Variants in NRTN observed in about 807,000 individuals in gnomAD.
NRTN encodes prepro-neurturin.
In NRTN, 3 loss-of-function variants were observed where a neutral mutation model predicts 7.5. The ratio of observed to expected loss-of-function variants is 0.40; its 90% CI spans 0.18 to 1.03. The LOEUF (loss-of-function observed/expected upper bound fraction) is 1.03. NRTN is among the 50% of genes least tolerant of loss of function. The pLI, the probability that NRTN is intolerant of heterozygous loss-of-function variation, is 0.34. For synonymous variants in NRTN, 157 were observed against 146.6 expected, an observed-to-expected ratio of 1.07 and a Z score of -0.51; for missense variants, 310 against 307.0, an observed-to-expected ratio of 1.01 and a Z score of -0.07.
intron 1 of NRTN, among the ~76,000 whole-genome samples, chr19:5,813,385 A>T (rs1348426087): frequency 1.3e-5 from 2 of 148,690 alleles, no homozygotes; most frequent in Non-Finnish European, 3.0e-5. Flanking sequence ...AAAATATAAA[A>T]GTTTGGCCAG....
At chr19:5,817,259 C>T (rs534338600) in intron 1 of NRTN, among the ~76,000 whole-genome samples, 7 of 151,906 alleles carry the variant, frequency 4.6e-5, no homozygotes, top group Non-Finnish European at 1.0e-4. Context: ...GAGGCTGAGG[C>T]AGGAGGATCA....
At position 5,828,252 on chromosome 19, in the gene NRTN, C is replaced by T. The variant is rs999141233; in HGVS notation, c.*79C>T. The T allele has an allele frequency of 6.9e-6, 10 of 1,458,258 alleles. No homozygotes were observed. In the Admixed American group the frequency reaches 2.2e-4, roughly 32 times the overall value. 90.3% of individuals were successfully genotyped at this position (1,458,258 alleles called of 1,614,324 possible). A position where few individuals can be genotyped will look rare whatever the true frequency, so the allele number is the denominator to read the frequency against. The stretch of plus-strand genomic sequence containing the variant: ...CTGGCCGGCCCCGCGAAAGACTGCG[C>T]GTGCGTAGAGCACGCCGGCGCGGCC... On this transcript the variant is annotated 3_prime_UTR_variant, in exon 3 of 3. Coordinates refer to ENST00000303212, the MANE Select transcript of NRTN (RefSeq NM_004558.5).
At chr19:5,821,630 T>TTCATTCATTCAC (rs1555734917) in intron 1 of NRTN, among the ~76,000 whole-genome samples, 9 of 150,372 alleles carry the variant, frequency 6.0e-5, no homozygotes, top group Non-Finnish European at 8.9e-5. Flanking sequence ...TGTTCATTCA[T>TTCATTCATTCAC]TCATTCATTC....
chr19:5,811,260 T>A (rs1218805930), intron 1 of NRTN, among the ~76,000 whole-genome samples: 1 of 152,060 alleles, frequency 6.6e-6, no homozygotes, highest in African/African-American at 2.4e-5. Flanking sequence ...TTTGCAGCCA[T>A]TGATTGGATA....
Position 5,828,275 on chromosome 19 carries a change from G to GC in NRTN, c.*106dup. ...CGCGTGCGTAGAGCACGCCGGCGCG[G>GC]CCCCGGGACTCTCGCGATAACTGTA... On this transcript the variant is annotated 3_prime_UTR_variant, in exon 3 of 3. Transcript: ENST00000303212. The GC allele has an allele frequency of 7.7e-7, 1 of 1,298,902 alleles. No individual in the cohort carries two copies. The highest frequency in any genetic ancestry group is 1.0e-6 in the Non-Finnish European group (1 of 964,376). 80.5% of individuals were successfully genotyped at this position (1,298,902 alleles called of 1,614,324 possible). A position where few individuals can be genotyped will look rare whatever the true frequency, so the allele number is the denominator to read the frequency against.
At chr19:5,827,177 G>A (rs2057049574) in intron 2 of NRTN, among the ~76,000 whole-genome samples, 1 of 152,156 alleles carries the variant, frequency 6.6e-6, no homozygotes, top group Non-Finnish European at 1.5e-5. Flanking sequence ...GAAAAGCCCG[G>A]GGCCTCAGAG....
At chr19:5,815,007 A>G (rs1368923292) in intron 1 of NRTN, among the ~76,000 whole-genome samples, 1 of 152,196 alleles carries the variant, frequency 6.6e-6, no homozygotes, top group Non-Finnish European at 1.5e-5. Flanking sequence ...AGGGGTGGAC[A>G]CGGGCAGTGG....
At chr19:5,813,702 T>C (rs144661141) in intron 1 of NRTN, among the ~76,000 whole-genome samples, 4 of 143,754 alleles carry the variant, frequency 2.8e-5, no homozygotes, top group African/African-American at 1.0e-4. Context: ...AAGCCAGGCA[T>C]GGTGGCGCAC....
chr19:5,827,291 C>T, intron 2 of NRTN, among the ~76,000 whole-genome samples: 1 of 152,074 alleles, frequency 6.6e-6, no homozygotes, highest in South Asian at 2.1e-4. Flanking sequence ...AGAGAGGATG[C>T]ACCAGTGTCC....
intron 1 of NRTN, among the ~76,000 whole-genome samples, chr19:5,815,025 G>A (rs1056647974): frequency 5.9e-5 from 9 of 152,226 alleles, no homozygotes; most frequent in Admixed American, 3.3e-4. Context: ...TGGTCAGGGC[G>A]GGGCCGTTCC....
intron 1 of NRTN, among the ~76,000 whole-genome samples, chr19:5,816,844 C>T (rs2057006527): frequency 6.6e-6 from 1 of 152,322 alleles, no homozygotes; most frequent in East Asian, 1.9e-4. Flanking sequence ...AAGGTGGAAG[C>T]GTCCAAGTGT....
chr19:5,821,322 T>A (rs2057023910), intron 1 of NRTN, among the ~76,000 whole-genome samples: 1 of 94,812 alleles, frequency 1.1e-5, no homozygotes, highest in African/African-American at 5.3e-5. Flanking sequence ...TTTTTTTTTT[T>A]GCGACAGAGT....
intron 1 of NRTN, among the ~76,000 whole-genome samples, chr19:5,817,590 GAGGA>G (rs1352060172): frequency 5.4e-5 from 8 of 147,890 alleles, no homozygotes; most frequent in South Asian, 2.2e-4. Flanking sequence ...GAGGGAAAGA[GAGGA>G]AGGAAGGGAG....
Position 5,819,534 on chromosome 19 carries a change from A to G in NRTN, c.-398-4234A>G, listed in dbSNP as rs148098766. Among the ~76,000 whole-genome samples, 515 of 152,284 alleles carry G rather than the reference A, an allele frequency of 3.4e-3. 2 individuals carry two copies. Among genetic ancestry groups the G allele is most frequent in the Non-Finnish European group, 4.8e-3 (325 of 68,010 alleles). On this transcript the variant is annotated intron_variant, in intron 1 of 2. Transcript: ENST00000303212. Reference sequence around the variant, plus strand: ...AAAAATTAGCCAGGCGTGGTGGCACATGCCTGTAGTCCCAGCTACTTGGGA... The same window carrying G: ...AAAAATTAGCCAGGCGTGGTGGCACGTGCCTGTAGTCCCAGCTACTTGGGA...
intron 1 of NRTN, among the ~76,000 whole-genome samples, chr19:5,820,779 G>T (rs1347564787): frequency 6.3e-5 from 9 of 143,524 alleles, no homozygotes; most frequent in Non-Finnish European, 6.0e-5. Flanking sequence ...GAATAAAGGG[G>T]ATGGGTTTGA....
chr19:5,805,756 C>G (rs1330765611), intron 1 of NRTN, among the ~76,000 whole-genome samples: 1 of 152,088 alleles, frequency 6.6e-6, no homozygotes, highest in African/African-American at 2.4e-5. Flanking sequence ...ATCTGAGGAA[C>G]GCACGGTGCC....
intron 1 of NRTN, among the ~76,000 whole-genome samples, chr19:5,810,433 T>G (rs1215734865): frequency 1.3e-5 from 2 of 151,960 alleles, no homozygotes; most frequent in African/African-American, 4.8e-5. Context: ...ACTTGCTGTG[T>G]GCCCTTGAAT....
At chr19:5,825,319 C>T (rs1268215145) in intron 2 of NRTN, among the ~76,000 whole-genome samples, 1 of 152,178 alleles carries the variant, frequency 6.6e-6, no homozygotes, top group Admixed American at 6.5e-5. Context: ...CCTGTGCCCA[C>T]GCACATGTCC....
intron 2 of NRTN, among the ~76,000 whole-genome samples, chr19:5,826,041 G>A (rs190173225): frequency 0.055 from 8,341 of 152,070 alleles, 761 homozygotes; most frequent in African/African-American, 0.19. Context: ...AGGCTGAGGC[G>A]GGAGAATGGC....
Sources: gnomAD v4.1 joint callset for allele counts (sites outside exome capture counted in the v4.1 genomes callset) on GRCh38, gnomAD v4.1.1 for gene constraint, MANE v1.5 for transcripts, NCBI Gene and HGNC (gene_info 2026-07-23, HGNC 2026-07-21) for gene names.